Variants in HNRNPF observed in about 807,000 individuals in gnomAD.
HNRNPF encodes heterogeneous nuclear ribonucleoprotein F.
A neutral mutation model predicts 26.0 loss-of-function variants in HNRNPF; 2 were observed. That is an observed-to-expected ratio of 0.08 (90% CI 0.03 to 0.24). The LOEUF is 0.24. Among genes scored for constraint, HNRNPF ranks in the 10% least tolerant of loss-of-function variants. The pLI is 1.00. For synonymous variants in HNRNPF, 234 were observed against 211.5 expected, an observed-to-expected ratio of 1.11 and a Z score of -0.92; for missense variants, 299 against 539.2, an observed-to-expected ratio of 0.55 and a Z score of 4.41.
rs1838070397 is a variant in HNRNPF at position 43,387,390 on chromosome 10, A to G, written c.495T>C (p.Ala165=). Residue 165 remains alanine (A), a synonymous_variant, in exon 4 of 4, where the codon GCT becomes GCC. Coordinates refer to ENST00000682386, the MANE Select transcript of HNRNPF (RefSeq NM_001098204.2). This position sits in a 1 kb window ranked among gnomAD's most constrained non-coding sequence, Gnocchi z 6.0. The part of the protein sequence containing the change: ...AFVQFASQEL[A]EKALGKHKER... ...CCTTGTGTTTCCCTAGAGCCTTCTCAGCTAACTCCTGCGAGGCAAACTGCA... is the reference window on the plus strand; with the variant it reads ...CCTTGTGTTTCCCTAGAGCCTTCTCGGCTAACTCCTGCGAGGCAAACTGCA... 1 of 1,614,090 alleles carries G rather than the reference A, an allele frequency of 6.2e-7. No individual in the cohort carries two copies. Among genetic ancestry groups the G allele is most frequent in the South Asian group, 1.1e-5 (1 of 91,070 alleles).
At chr10:43,397,334 A>ATG (rs1838583961) in intron 1 of HNRNPF, 2 of 152,370 alleles carry the variant, frequency 1.3e-5, no homozygotes, top group South Asian at 4.1e-4. Flanking sequence ...GATGTCACCA[A>ATG]TGGGAAACGC....
At chr10:43,400,790 C>T (rs925862630) in intron 1 of HNRNPF, among the ~76,000 whole-genome samples, 3 of 152,184 alleles carry the variant, frequency 2.0e-5, no homozygotes, top group African/African-American at 7.2e-5. Context: ...CAGAGCTATC[C>T]TAAAAGCTAT....
Position 43,386,374 on chromosome 10 carries a change from CTTAAACTTA to C in HNRNPF, c.*254_*262del. On this transcript the variant is annotated 3_prime_UTR_variant, in exon 4 of 4. Transcript: ENST00000682386. Reference sequence around the variant, plus strand: ...ATCCACATTTAACATACTTAAACTACTTAAACTTAGATAACATCACTCTGAAGTATACTA... The same window carrying C: ...ATCCACATTTAACATACTTAAACTACGATAACATCACTCTGAAGTATACTA... 1 of 376,464 alleles carries C rather than the reference CTTAAACTTA, an allele frequency of 2.7e-6. No individual in the cohort carries two copies. 23.3% of individuals were successfully genotyped at this position (376,464 alleles called of 1,614,324 possible).
intron 1 of HNRNPF, among the ~76,000 whole-genome samples, chr10:43,399,597 T>A (rs1838688254): frequency 6.6e-6 from 1 of 152,184 alleles, no homozygotes; most frequent in South Asian, 2.1e-4. Flanking sequence ...GAGTTTTGCT[T>A]TTTAACACAA....
At chr10:43,407,124 C>G (rs1838945622) in intron 1 of HNRNPF, among the ~76,000 whole-genome samples, 1 of 151,970 alleles carries the variant, frequency 6.6e-6, no homozygotes, top group Admixed American at 6.6e-5. Flanking sequence ...ATTAAGATGA[C>G]TTTTGGGACG....
chr10:43,397,066 A>C (rs536448974), intron 1 of HNRNPF: 1 of 146,514 alleles, frequency 6.8e-6, no homozygotes, highest in African/African-American at 2.6e-5. Flanking sequence ...AAGGGAGGGA[A>C]GGGAAGAGGC....
Position 43,386,535 on chromosome 10 carries a change from G to C in HNRNPF, c.*102C>G. Reference sequence around the variant, plus strand: ...TAATCCAGATTTTTCACAAACTCATGGTGCAAAATGGGTCCCCCAGCTTCC... The same window carrying C: ...TAATCCAGATTTTTCACAAACTCATCGTGCAAAATGGGTCCCCCAGCTTCC... On this transcript the variant is annotated 3_prime_UTR_variant, in exon 4 of 4. Transcript: ENST00000682386. 1 of 1,117,968 alleles carries C rather than the reference G, an allele frequency of 8.9e-7. No homozygotes were observed. The highest frequency in any genetic ancestry group is 2.1e-5 in the South Asian group (1 of 47,958). The allele number at this position is 1,117,968 out of a possible 1,614,324, so 69.3% of individuals were successfully genotyped here. A position where few individuals can be genotyped will look rare whatever the true frequency, so the allele number is the denominator to read the frequency against.
At chr10:43,395,397 A>G (rs928503947) in intron 2 of HNRNPF, among the ~76,000 whole-genome samples, 1 of 152,244 alleles carries the variant, frequency 6.6e-6, no homozygotes, top group Non-Finnish European at 1.5e-5. Flanking sequence ...CATCCCAGTA[A>G]AAACGCTGCC....
At chr10:43,407,509 GCTC>G (rs978203020) in intron 1 of HNRNPF, among the ~76,000 whole-genome samples, 2 of 152,040 alleles carry the variant, frequency 1.3e-5, no homozygotes, top group African/African-American at 4.8e-5. Context: ...CGGGTGCCTT[GCTC>G]CTCAAAACCC....
chr10:43,388,196 G>A (rs983754602), intron 3 of HNRNPF, among the ~76,000 whole-genome samples: 1 of 152,162 alleles, frequency 6.6e-6, no homozygotes, highest in Admixed American at 6.6e-5. Context: ...TTTAGAGCAA[G>A]GGCATTTCCT....
At position 43,387,964 on chromosome 10, in the gene HNRNPF, T is replaced by G. The variant is rs1838097163; in HGVS notation, c.-52-28A>C. ...GGAAAAAAAAAAAAGAAAAATTTAT[T>G]TAGTATGCAACAGAAATTTTCCCCA... On this transcript the variant is annotated intron_variant, in intron 3 of 3. Coordinates refer to ENST00000682386, the MANE Select transcript of HNRNPF (RefSeq NM_001098204.2). This position sits in a 1 kb window ranked among gnomAD's most constrained non-coding sequence, Gnocchi z 6.0. The G allele has an allele frequency of 8.1e-7, 1 of 1,234,430 alleles. No individual in the cohort carries two copies. Among genetic ancestry groups the G allele is most frequent in the East Asian group, 2.4e-5 (1 of 41,904 alleles). 76.5% of individuals were successfully genotyped at this position (1,234,430 alleles called of 1,614,324 possible). A position where few individuals can be genotyped will look rare whatever the true frequency, so the allele number is the denominator to read the frequency against.
At chr10:43,401,709 G>A (rs1041191052) in intron 1 of HNRNPF, among the ~76,000 whole-genome samples, 1 of 152,174 alleles carries the variant, frequency 6.6e-6, no homozygotes, top group Non-Finnish European at 1.5e-5. Flanking sequence ...TCTCTCCCTT[G>A]AGCAAGCAGC....
chr10:43,398,636 G>C (rs560420866), intron 1 of HNRNPF, among the ~76,000 whole-genome samples: 8 of 151,940 alleles, frequency 5.3e-5, no homozygotes, highest in Non-Finnish European at 1.0e-4. Flanking sequence ...CACCGCGCCC[G>C]GCCTGTTTTA....
intron 1 of HNRNPF, among the ~76,000 whole-genome samples, chr10:43,407,371 C>G (rs1054078868): frequency 1.3e-5 from 2 of 152,118 alleles, no homozygotes; most frequent in Admixed American, 6.5e-5. Context: ...CCGGGCCGCC[C>G]GCGGGCAATG....
chr10:43,400,854 T>G (rs1838730654), intron 1 of HNRNPF, among the ~76,000 whole-genome samples: 1 of 152,106 alleles, frequency 6.6e-6, no homozygotes, highest in Non-Finnish European at 1.5e-5. Flanking sequence ...TCCCAGCACT[T>G]TGGGAGGCCG....
intron 3 of HNRNPF, among the ~76,000 whole-genome samples, chr10:43,390,278 C>G (rs1302198411): frequency 1.3e-5 from 2 of 152,218 alleles, no homozygotes; most frequent in African/African-American, 2.4e-5. Flanking sequence ...CCATTCCCAA[C>G]ACTGGGTCAG....
Position 43,386,604 on chromosome 10 carries a change from ATGAT to A in HNRNPF, c.*29_*32del. 4.0e-6 allele frequency: 6 copies of A among 1,503,326 alleles called. No individual in the cohort carries two copies. The highest frequency in any genetic ancestry group is 1.4e-5 in the African/African-American group (1 of 71,634). 93.1% of individuals were successfully genotyped at this position (1,503,326 alleles called of 1,614,324 possible). A position where few individuals can be genotyped will look rare whatever the true frequency, so the allele number is the denominator to read the frequency against. On this transcript the variant is annotated 3_prime_UTR_variant, in exon 4 of 4. Transcript: ENST00000682386. ...AATTGCTTGTTGGCTGCCTGTGAAA[ATGAT>A]TGAAGTAACTCAAATGTTCCTAACA...
intron 1 of HNRNPF, chr10:43,397,373 C>G (rs1177953375): frequency 6.6e-6 from 1 of 152,352 alleles, no homozygotes; most frequent in Non-Finnish European, 1.5e-5. Context: ...CCGTGGCCCG[C>G]GCGCTGGGCC....
Position 43,386,542 on chromosome 10 carries a change from A to G in HNRNPF, c.*95T>C. 9.8e-6 allele frequency: 12 copies of G among 1,222,152 alleles called. No individual in the cohort carries two copies. The highest frequency in any genetic ancestry group is 1.3e-5 in the Non-Finnish European group (12 of 904,808). The allele number at this position is 1,222,152 out of a possible 1,614,324, so 75.7% of individuals were successfully genotyped here. ...GATTTTTCACAAACTCATGGTGCAA[A>G]ATGGGTCCCCCAGCTTCCTCTATTA... On this transcript the variant is annotated 3_prime_UTR_variant, in exon 4 of 4. Transcript: ENST00000682386.
Sources: allele counts gnomAD v4.1 joint callset (sites outside exome capture counted in the v4.1 genomes callset), GRCh38; gene constraint gnomAD v4.1.1; non-coding constraint Gnocchi (gnomAD v3.1); transcripts MANE v1.5; gene names NCBI Gene and HGNC (gene_info 2026-07-23, HGNC 2026-07-21).